The following CFAP77 variants were observed in gnomAD, a reference collection of about 807,000 sequenced individuals.
The protein encoded by CFAP77 is cilia and flagella associated protein 77, also known as cilia- and flagella-associated protein 77.
A neutral mutation model predicts 31.1 loss-of-function variants in CFAP77; 25 were observed. The ratio of observed to expected loss-of-function variants is 0.80; its 90% CI spans 0.59 to 1.12. The LOEUF is 1.12. Ranked by LOEUF, CFAP77 falls within the 50% of genes most tolerant of loss-of-function variation. The pLI, the probability that CFAP77 is intolerant of heterozygous loss-of-function variation, is 0.00. For missense variants in CFAP77, 377 were observed against 397.3 expected, an observed-to-expected ratio of 0.95 and a Z score of 0.44; for synonymous variants, 151 against 159.9, an observed-to-expected ratio of 0.94 and a Z score of 0.42.
intron 5 of CFAP77, among the ~76,000 whole-genome samples, chr9:132,568,880 T>A (rs1829921301): frequency 6.6e-6 from 1 of 152,074 alleles, no homozygotes; most frequent in Non-Finnish European, 1.5e-5. Context: ...TTGTATTATT[T>A]GTAGAGACAG....
intron 1 of CFAP77, among the ~76,000 whole-genome samples, chr9:132,441,855 C>G (rs1850620519): frequency 1.3e-5 from 2 of 152,238 alleles, no homozygotes; most frequent in South Asian, 4.1e-4. Flanking sequence ...GCCCTGGGCA[C>G]TTGCTGGAGA....
chr9:132,532,525 T>C (rs998176437), intron 3 of CFAP77, among the ~76,000 whole-genome samples: 5 of 152,122 alleles, frequency 3.3e-5, no homozygotes, highest in African/African-American at 9.7e-5. Context: ...GTTTTTTGAA[T>C]GGAAAAAATT....
intron 1 of CFAP77, among the ~76,000 whole-genome samples, chr9:132,434,257 C>G (rs1329370861): frequency 2.0e-5 from 3 of 152,202 alleles, no homozygotes; most frequent in Non-Finnish European, 2.9e-5. Flanking sequence ...TGGCCCCGCT[C>G]TTTGCCGCCT....
At chr9:132,538,449 G>T (rs1253035711) in intron 4 of CFAP77, among the ~76,000 whole-genome samples, 1 of 152,242 alleles carries the variant, frequency 6.6e-6, no homozygotes, top group Non-Finnish European at 1.5e-5. Flanking sequence ...TAGCAGGAAG[G>T]AAAACCATCT....
intron 5 of CFAP77, among the ~76,000 whole-genome samples, chr9:132,549,832 C>A (rs569883588): frequency 2.7e-5 from 3 of 112,974 alleles, no homozygotes; most frequent in African/African-American, 1.2e-4. Flanking sequence ...GAGCAAGACT[C>A]TGTCTGAAAA....
intron 5 of CFAP77, among the ~76,000 whole-genome samples, chr9:132,567,180 C>T (rs76474384): frequency 0.027 from 4,176 of 152,306 alleles, 191 homozygotes; most frequent in African/African-American, 0.096. Flanking sequence ...TGTCGGCACA[C>T]AGCAGGTGCC....
chr9:132,456,882 C>T lies in CFAP77; in HGVS notation c.196-41813C>T, dbSNP rs201939589. ...TCTCATGCCTCAGCCTCCTGAGTAGCTGGGACTACAAGTGTGCACCACCGT... is the reference window on the plus strand; with the variant it reads ...TCTCATGCCTCAGCCTCCTGAGTAGTTGGGACTACAAGTGTGCACCACCGT... On this transcript the variant is annotated intron_variant, in intron 1 of 5. Coordinates refer to ENST00000393216, the MANE Select transcript of CFAP77 (RefSeq NM_001282957.2). Among the ~76,000 whole-genome samples the T allele has an allele frequency of 3.9e-4, 60 of 152,152 alleles. No individual in the cohort carries two copies. The East Asian group carries it at 0.011, about 28-fold the overall frequency.
chr9:132,445,638 C>G (rs1409865849), intron 1 of CFAP77, among the ~76,000 whole-genome samples: 2 of 152,040 alleles, frequency 1.3e-5, no homozygotes, highest in African/African-American at 4.8e-5. Context: ...GAGGCCGAGG[C>G]AGGCAGATCA....
Position 132,502,260 on chromosome 9 carries a change from TATATA to T in CFAP77, c.524+2661_524+2665del, listed in dbSNP as rs1589890647. On this transcript the variant is annotated intron_variant, in intron 3 of 5. Transcript: ENST00000393216. The stretch of plus-strand genomic sequence containing the variant: ...CTTTGACTGTGCCATCATATATATA[TATATA>T]TTTTTTTTTTTTGGGGGAGGGGGGT... 4.7e-5 allele frequency among the ~76,000 whole-genome samples: 4 copies of T among 84,820 alleles called. No individual in the cohort carries two copies. In the East Asian group the frequency reaches 2.6e-3, roughly 55 times the overall value. 55.6% of individuals were successfully genotyped at this position (84,820 alleles called of 152,430 possible).
rs761039835 is a variant in CFAP77, at chr9:132,499,543, G to A, written c.467G>A (p.Arg156His). 24 of 1,614,188 alleles carry A rather than the reference G, an allele frequency of 1.5e-5. No homozygotes were observed. Among genetic ancestry groups the A allele is most frequent in the Admixed American group, 1.7e-5 (1 of 60,030 alleles). Reference protein sequence around the residue: ...DIRISDQDDRRMKKEPPPLPP... With the variant: ...DIRISDQDDRHMKKEPPPLPP... Reference sequence around the variant, plus strand: ...CGCATCAGTGACCAGGATGACCGGCGCATGAAGAAAGAGCCGCCCCCTCTC... The same window carrying A: ...CGCATCAGTGACCAGGATGACCGGCACATGAAGAAAGAGCCGCCCCCTCTC... Residue 156 changes from arginine (R) to histidine (H), a missense_variant, in exon 3 of 6, where the codon CGC becomes CAC. Coordinates refer to ENST00000393216, the MANE Select transcript of CFAP77 (RefSeq NM_001282957.2). This position sits in a 1 kb window ranked among gnomAD's most constrained non-coding sequence, Gnocchi z 5.4.
chr9:132,410,935 G>A (rs1395680013), intron 1 of CFAP77, among the ~76,000 whole-genome samples: 1 of 152,196 alleles, frequency 6.6e-6, no homozygotes, highest in Non-Finnish European at 1.5e-5. Context: ...TGTCTGTCCT[G>A]GAAGCATCAC....
intron 3 of CFAP77, among the ~76,000 whole-genome samples, chr9:132,504,177 A>T (rs1369655657): frequency 1.3e-5 from 2 of 152,222 alleles, no homozygotes; most frequent in Non-Finnish European, 2.9e-5. Context: ...GCAATTTGTT[A>T]ACTGAGCCAG....
At chr9:132,471,687 T>TTTTTG (rs56232343) in intron 1 of CFAP77, among the ~76,000 whole-genome samples, 85,917 of 148,662 alleles carry the variant, frequency 0.58, 25,226 homozygotes, top group East Asian at 0.8. Flanking sequence ...AGGGGGGTTG[T>TTTTTG]TTTTGTTTTG....
rs1277909560 is a variant in CFAP77, at chr9:132,486,000, A to G, written c.196-12695A>G. 3.8e-3 allele frequency among the ~76,000 whole-genome samples: 33 copies of G among 8,628 alleles called. 2 individuals carry two copies. Among genetic ancestry groups the G allele is most frequent in the African/African-American group, 0.029 (30 of 1,018 alleles). The allele number at this position is 8,628 out of a possible 152,430, so 5.7% of individuals were successfully genotyped here. On this transcript the variant is annotated intron_variant, in intron 1 of 5. Coordinates refer to ENST00000393216, the MANE Select transcript of CFAP77 (RefSeq NM_001282957.2). ...ACACACACCTCATATATATATATATATATATATATATATATATATATATAT... is the reference window on the plus strand; with the variant it reads ...ACACACACCTCATATATATATATATGTATATATATATATATATATATATAT...
At chr9:132,491,501 C>T (rs1160795388) in intron 1 of CFAP77, among the ~76,000 whole-genome samples, 2 of 152,206 alleles carry the variant, frequency 1.3e-5, no homozygotes, top group African/African-American at 4.8e-5. Context: ...GATCATTATA[C>T]AAACGCACGA....
chr9:132,519,267 A>G (rs1398451883), intron 3 of CFAP77, among the ~76,000 whole-genome samples: 49 of 18,798 alleles, frequency 2.6e-3, no homozygotes, highest in South Asian at 5.8e-3. Context: ...TGGATGAGTG[A>G]GTGGGTGGGT....
intron 1 of CFAP77, among the ~76,000 whole-genome samples, chr9:132,464,425 A>G (rs509090): frequency 0.49 from 75,045 of 151,812 alleles, 18,887 homozygotes; most frequent in East Asian, 0.62. Flanking sequence ...AGGCCACACA[A>G]CTGTGGAACA....
chr9:132,434,703 G>A (rs1850472642), intron 1 of CFAP77, among the ~76,000 whole-genome samples: 1 of 152,130 alleles, frequency 6.6e-6, no homozygotes, highest in African/African-American at 2.4e-5. Context: ...ACAACAACCT[G>A]TGTGTTATCA....
At chr9:132,488,265 C>T (rs192009989) in intron 1 of CFAP77, among the ~76,000 whole-genome samples, 10 of 152,272 alleles carry the variant, frequency 6.6e-5, no homozygotes, top group Non-Finnish European at 1.3e-4. Context: ...CATCGAGCTC[C>T]CTGACAGAAA....
Sources: gnomAD v4.1 joint callset for allele counts (sites outside exome capture counted in the v4.1 genomes callset) on GRCh38, gnomAD v4.1.1 for gene constraint, Gnocchi (gnomAD v3.1) non-coding constraint, MANE v1.5 for transcripts, NCBI Gene and HGNC (gene_info 2026-07-23, HGNC 2026-07-21) for gene names.